The following VPS37B variants were observed in gnomAD, a reference collection of about 807,000 sequenced individuals.
VPS37B encodes the protein vacuolar protein sorting-associated protein 37B.
VPS37B carries 11 observed loss-of-function variants against 21.2 expected under a neutral mutation model. The ratio of observed to expected loss-of-function variants is 0.52; its 90% CI spans 0.33 to 0.86. The LOEUF is 0.86. Among genes scored for constraint, VPS37B ranks in the 40% least tolerant of loss-of-function variants. The probability of loss-of-function intolerance (pLI) is 0.03; values close to 1 mark genes in which losing one functional copy is unlikely to be tolerated. For missense variants in VPS37B, 389 were observed against 374.8 expected, an observed-to-expected ratio of 1.04 and a Z score of -0.31; for synonymous variants, 175 against 159.6, an observed-to-expected ratio of 1.10 and a Z score of -0.73.
intron 1 of VPS37B, chr12:122,882,937 CAAACTT>C (rs559875095): frequency 7.9e-5 from 12 of 152,218 alleles, no homozygotes; most frequent in Non-Finnish European, 1.6e-4. Context: ...TTTACTGAAA[CAAACTT>C]AACAGTTGCG....
At position 122,867,887 on chromosome 12, in the gene VPS37B, G is replaced by A. The variant is rs1371388301; in HGVS notation, c.367-280C>T. On this transcript the variant is annotated intron_variant, in intron 3 of 3. Transcript: ENST00000267202. This position sits in a 1 kb window ranked among gnomAD's most constrained non-coding sequence, Gnocchi z 5.5. ...CTTTGGGTGAGGGCTCCGACTCCTG[G>A]GTCCCAGGCCTCTCTCGAGCCCGCT... is the stretch of plus-strand genomic sequence containing the variant. Among the ~76,000 whole-genome samples the A allele has an allele frequency of 2.0e-5, 3 of 152,174 alleles. No individual in the cohort carries two copies.
intron 1 of VPS37B, 97 bp downstream of exon 1, chr12:122,895,855 C>T (rs1189682586): frequency 8.0e-6 from 9 of 1,125,982 alleles, no homozygotes; most frequent in African/African-American, 1.6e-5. Context: ...TCAACACGAC[C>T]GGAGGCGCCG....
rs2033911390 is a variant in VPS37B at position 122,866,912 on chromosome 12, T to C, written c.*204A>G. On this transcript the variant is annotated 3_prime_UTR_variant, in exon 4 of 4. Transcript: ENST00000267202. ...CCGATGCAACGCACAGGTGTCAGGC[T>C]GTAACCCGGCACACACAACTGCCTT... The C allele has an allele frequency of 3.8e-6, 2 of 522,958 alleles. No individual in the cohort carries two copies. The highest frequency in any genetic ancestry group is 6.3e-6 in the Non-Finnish European group (2 of 318,946). 32.4% of individuals were successfully genotyped at this position (522,958 alleles called of 1,614,324 possible).
In VPS37B at chr12:122,865,551, ACATGGCAAGCCCGCCTGACTGG is replaced by A. The variant is rs2033880914; in HGVS notation, c.*1543_*1564del. The A allele has an allele frequency of 6.6e-6, 1 of 152,300 alleles. No individual in the cohort carries two copies. The allele number at this position is 152,300 out of a possible 1,614,324, so 9.4% of individuals were successfully genotyped here. On this transcript the variant is annotated 3_prime_UTR_variant, in exon 4 of 4. Coordinates refer to ENST00000267202, the MANE Select transcript of VPS37B (RefSeq NM_024667.3). ...GCACCGCTCACTCGAGATTCACAGA[ACATGGCAAGCCCGCCTGACTGG>A]CATGGCAGTGAATCGTCCTGTACAG...
At chr12:122,876,667 G>C (rs1033967979) in intron 1 of VPS37B, 3 of 151,624 alleles carry the variant, frequency 2.0e-5, no homozygotes, top group African/African-American at 7.3e-5. Flanking sequence ...AGCTAAGATT[G>C]TACCACTGCA....
intron 1 of VPS37B, chr12:122,884,126 T>C (rs953771339): frequency 6.6e-6 from 1 of 152,220 alleles, no homozygotes; most frequent in Non-Finnish European, 1.5e-5. Context: ...CAGAACCAGT[T>C]AGGTCCCTGT....
intron 1 of VPS37B, chr12:122,886,504 C>T (rs980704169): frequency 2.6e-5 from 4 of 152,214 alleles, no homozygotes; most frequent in Non-Finnish European, 5.9e-5. Context: ...CGCCCGTAAT[C>T]CCAGCTACTC....
At chr12:122,892,906 CA>C (rs2034437246) in intron 1 of VPS37B, among the ~76,000 whole-genome samples, 1 of 152,120 alleles carries the variant, frequency 6.6e-6, no homozygotes, top group Non-Finnish European at 1.5e-5. Context: ...ACTAAAAATA[CA>C]AAAATTAGCT....
At chr12:122,892,746 C>CA (rs1446581583) in intron 1 of VPS37B, among the ~76,000 whole-genome samples, 1 of 152,024 alleles carries the variant, frequency 6.6e-6, no homozygotes, top group Non-Finnish European at 1.5e-5. Flanking sequence ...CCCATCTCTA[C>CA]AAAAAAACAA....
intron 1 of VPS37B, chr12:122,884,527 G>A (rs1334567740): frequency 6.6e-6 from 1 of 152,138 alleles, no homozygotes; most frequent in East Asian, 1.9e-4. Context: ...AAACCAGAAT[G>A]AACAGATCTG....
At chr12:122,887,795 A>G (rs2034350767) in intron 1 of VPS37B, 2 of 152,280 alleles carry the variant, frequency 1.3e-5, no homozygotes, top group Non-Finnish European at 2.9e-5. Context: ...GGCTGGGTAC[A>G]TGAATAAACT....
Position 122,896,093 on chromosome 12 carries a change from G to T in VPS37B, c.-31C>A. On this transcript the variant is annotated 5_prime_UTR_variant, in exon 1 of 4. Coordinates refer to ENST00000267202, the MANE Select transcript of VPS37B (RefSeq NM_024667.3). ...CGTCTCGGCCGTCGTCGCCACCGCC[G>T]CTGCGGCCACCAGGCTCCGCCGACC... 1 of 1,537,608 alleles carries T rather than the reference G, an allele frequency of 6.5e-7. No homozygotes were observed.
In VPS37B at chr12:122,867,817, C is replaced by G. The variant is rs2033938689; in HGVS notation, c.367-210G>C. 6.6e-6 allele frequency among the ~76,000 whole-genome samples: 1 copy of G among 152,200 alleles called. No individual in the cohort carries two copies. Among genetic ancestry groups the G allele is most frequent in the Non-Finnish European group, 1.5e-5 (1 of 68,030 alleles). On this transcript the variant is annotated intron_variant, in intron 3 of 3. Transcript: ENST00000267202. The surrounding 1 kb of genome is among the most constrained non-coding windows in gnomAD (Gnocchi z 5.5). ...GCCACTAGGTGGAGAGGACGACAGC[C>G]CTGCTGCGCACCCCACCACCAGCGT...
chr12:122,867,033 G>C lies in VPS37B; in HGVS notation c.*83C>G. The C allele has an allele frequency of 2.1e-6, 3 of 1,434,834 alleles. No homozygotes were observed. Among genetic ancestry groups the C allele is most frequent in the South Asian group, 1.5e-5 (1 of 65,048 alleles). 88.9% of individuals were successfully genotyped at this position (1,434,834 alleles called of 1,614,324 possible). On this transcript the variant is annotated 3_prime_UTR_variant, in exon 4 of 4. Coordinates refer to ENST00000267202, the MANE Select transcript of VPS37B (RefSeq NM_024667.3). The surrounding 1 kb of genome is among the most constrained non-coding windows in gnomAD (Gnocchi z 5.5). ...CCAGGGCCCCAGAGCCCTTGGCACA[G>C]AGCGGACCTCCAGCCTCCTTCCCGT...
At chr12:122,886,872 CACTT>C (rs2034337488) in intron 1 of VPS37B, 1 of 152,204 alleles carries the variant, frequency 6.6e-6, no homozygotes, top group Non-Finnish European at 1.5e-5. Flanking sequence ...AGGAAACTGA[CACTT>C]AGGAAGGTTA....
chr12:122,885,769 C>T (rs1157500300), intron 1 of VPS37B: 9 of 146,926 alleles, frequency 6.1e-5, no homozygotes, highest in Non-Finnish European at 7.5e-5. Flanking sequence ...CTGCAAGCTC[C>T]GCCTCCCGGG....
chr12:122,871,182 G>A, intron 1 of VPS37B, 121 bp from the exon 2 acceptor site: 1 of 1,447,686 alleles, frequency 6.9e-7, no homozygotes, highest in Non-Finnish European at 9.1e-7. Context: ...CTCCACAGCT[G>A]GCACCGCATG....
intron 1 of VPS37B, chr12:122,884,676 C>T (rs1371758314): frequency 6.6e-6 from 1 of 151,848 alleles, no homozygotes; most frequent in South Asian, 2.1e-4. Context: ...AAAAAAAAAA[C>T]CAGCTTACGG....
Position 122,871,369 on chromosome 12 carries a change from C to T in VPS37B, c.112-308G>A, listed in dbSNP as rs570645661. The T allele has an allele frequency of 1.3e-5, 14 of 1,090,082 alleles. No homozygotes were observed. In the Middle Eastern group the frequency reaches 1.2e-3, roughly 93 times the overall value. The allele number at this position is 1,090,082 out of a possible 1,614,324, so 67.5% of individuals were successfully genotyped here. ...GCGCTGTGACTTGAATTCCTTACTACGGCCATTGTGCTTGCAGAAGTAAAC... is the reference window on the plus strand; with the variant it reads ...GCGCTGTGACTTGAATTCCTTACTATGGCCATTGTGCTTGCAGAAGTAAAC... On this transcript the variant is annotated intron_variant, in intron 1 of 3. Transcript: ENST00000267202.
Sources: gnomAD v4.1 joint callset for allele counts (sites outside exome capture counted in the v4.1 genomes callset) on GRCh38, gnomAD v4.1.1 for gene constraint, Gnocchi (gnomAD v3.1) non-coding constraint, MANE v1.5 for transcripts, NCBI Gene and HGNC (gene_info 2026-07-23, HGNC 2026-07-21) for gene names.